The following GRID2 variants were observed in gnomAD, a reference collection of about 807,000 sequenced individuals.
GRID2 encodes glutamate receptor ionotropic, delta-2.
Under a neutral mutation model 114.8 loss-of-function variants are expected in GRID2, and 33 were observed. The ratio of observed to expected loss-of-function variants is 0.29; its 90% CI spans 0.22 to 0.38. The LOEUF is 0.38. GRID2 is among the 10% of genes least tolerant of loss of function. The pLI is 1.00. For synonymous variants in GRID2, 505 were observed against 449.9 expected (o/e 1.12, Z -1.55); for missense variants, 1,184 against 1,257.7 (o/e 0.94, Z 0.89).
At chr4:92,410,901 T>C (rs1731267727) in intron 1 of GRID2, among the ~76,000 whole-genome samples, 1 of 144,664 alleles carries the variant, frequency 6.9e-6, no homozygotes, top group Admixed American at 7.1e-5. Flanking sequence ...TAAGAAGAGA[T>C]TATAAACAGT....
intron 14 of GRID2, among the ~76,000 whole-genome samples, chr4:93,743,027 T>C (rs1286224556): frequency 1.3e-5 from 2 of 152,216 alleles, no homozygotes; most frequent in African/African-American, 2.4e-5. Context: ...GGAAAAGTTC[T>C]TGAAGGAAAT....
chr4:92,854,037 C>G (rs1489165476), intron 2 of GRID2, among the ~76,000 whole-genome samples: 1 of 151,402 alleles, frequency 6.6e-6, no homozygotes, highest in African/African-American at 2.4e-5. Context: ...GTGAACAGAT[C>G]TGTGGTGCAA....
chr4:93,001,275 T>C (rs1720949635), intron 2 of GRID2, among the ~76,000 whole-genome samples: 1 of 151,720 alleles, frequency 6.6e-6, no homozygotes, highest in African/African-American at 2.4e-5. Context: ...AAGCTGTCTT[T>C]TTTGTTTTAT....
chr4:92,569,784 T>C (rs1727520778), intron 1 of GRID2, among the ~76,000 whole-genome samples: 2 of 152,264 alleles, frequency 1.3e-5, no homozygotes, highest in African/African-American at 4.8e-5. Context: ...AAGTGTCTGT[T>C]CATGTCCAAT....
intron 4 of GRID2, among the ~76,000 whole-genome samples, chr4:93,138,347 C>A (rs1413827340): frequency 1.3e-5 from 2 of 152,036 alleles, no homozygotes; most frequent in East Asian, 3.9e-4. Flanking sequence ...ATCTACACAC[C>A]TAAGAATATT....
chr4:93,272,516 G>A (rs530585936), intron 8 of GRID2, among the ~76,000 whole-genome samples: 2 of 152,148 alleles, frequency 1.3e-5, no homozygotes, highest in Non-Finnish European at 2.9e-5. Flanking sequence ...CTAGCGCAAG[G>A]GAGTGCATGG....
chr4:92,433,803 C>G (rs1259457071), intron 1 of GRID2, among the ~76,000 whole-genome samples: 3 of 152,144 alleles, frequency 2.0e-5, no homozygotes, highest in African/African-American at 7.2e-5. Context: ...CTCTACCTAC[C>G]TTTCCTAAAA....
chr4:92,363,656 T>C (rs1283763405), intron 1 of GRID2, among the ~76,000 whole-genome samples: 1 of 152,026 alleles, frequency 6.6e-6, no homozygotes, highest in Non-Finnish European at 1.5e-5. Flanking sequence ...CATTTAGACT[T>C]CTATTTTATA....
intron 2 of GRID2, among the ~76,000 whole-genome samples, chr4:92,712,830 ATCAATAAT>A (rs1560547298): frequency 6.6e-6 from 1 of 152,150 alleles, no homozygotes; most frequent in East Asian, 1.9e-4. Context: ...ATGAATTACC[ATCAATAAT>A]TCCCTTGAAT....
At chr4:93,196,355 A>G (rs950362860) in intron 4 of GRID2, among the ~76,000 whole-genome samples, 6 of 152,198 alleles carry the variant, frequency 3.9e-5, no homozygotes, top group Admixed American at 2.0e-4. Context: ...GAAGACGGAC[A>G]TGGAAATTCA....
chr4:92,442,506 T>C (rs1004228810), intron 1 of GRID2, among the ~76,000 whole-genome samples: 2 of 152,064 alleles, frequency 1.3e-5, no homozygotes, highest in African/African-American at 4.8e-5. Flanking sequence ...GTGCTGGAGA[T>C]GTGGCTGGGG....
chr4:93,019,766 T>G (rs1723102207), intron 2 of GRID2, among the ~76,000 whole-genome samples: 1 of 152,140 alleles, frequency 6.6e-6, no homozygotes, highest in Non-Finnish European at 1.5e-5. Context: ...GCTCTCTTTT[T>G]TGTATAAAAT....
At chr4:92,975,156 C>CAAAAAAAAAAAAAAAAAA (rs527770693) in intron 2 of GRID2, among the ~76,000 whole-genome samples, 2,296 of 46,532 alleles carry the variant, frequency 0.049, 561 homozygotes, top group African/African-American at 0.075. Flanking sequence ...GATTCCGCCT[C>CAAAAAAAAAAAAAAAAAA]AAAAAAAAAA....
At chr4:92,550,861 G>C (rs1333107272) in intron 1 of GRID2, among the ~76,000 whole-genome samples, 1 of 152,158 alleles carries the variant, frequency 6.6e-6, no homozygotes, top group East Asian at 1.9e-4. Flanking sequence ...TATAAAAAGT[G>C]TAAGAACACT....
At chr4:93,168,922 A>G (rs1738525606) in intron 4 of GRID2, among the ~76,000 whole-genome samples, 1 of 152,152 alleles carries the variant, frequency 6.6e-6, no homozygotes, top group African/African-American at 2.4e-5. Flanking sequence ...TAGGATAACA[A>G]TTAAAATAAA....
intron 8 of GRID2, among the ~76,000 whole-genome samples, chr4:93,317,952 A>G (rs1444962531): frequency 1.4e-5 from 2 of 141,112 alleles, no homozygotes; most frequent in Non-Finnish European, 3.1e-5. Flanking sequence ...AATTCTCAGC[A>G]GTAAATCAGT....
chr4:92,503,237 A>G (rs7689477), intron 1 of GRID2, among the ~76,000 whole-genome samples: 1,656 of 152,206 alleles, frequency 0.011, 27 homozygotes, highest in African/African-American at 0.038. Flanking sequence ...TTTAAAAACA[A>G]TATTTCTGCT....
rs62311166 is a variant in GRID2, at chr4:92,867,421, C to T, written c.245-217574C>T. Among the ~76,000 whole-genome samples, 320 of 151,952 alleles carry T rather than the reference C, an allele frequency of 2.1e-3. 2 individuals are homozygous for T. Among genetic ancestry groups the T allele is most frequent in the Non-Finnish European group, 3.5e-3 (238 of 67,958 alleles). On this transcript the variant is annotated intron_variant, in intron 2 of 15. Coordinates refer to ENST00000282020, the MANE Select transcript of GRID2 (RefSeq NM_001510.4). ...TGTGCTCTGCTGCCACATCTAATGG[C>T]GATACCACAATTCTAATCAGAGAAG... is the stretch of plus-strand genomic sequence containing the variant.
In GRID2 at chr4:92,939,753, G is replaced by A. The variant is rs187955647; in HGVS notation, c.245-145242G>A. Among the ~76,000 whole-genome samples the A allele has an allele frequency of 2.3e-3, 341 of 147,462 alleles. 7 individuals carry two copies. The highest frequency in any genetic ancestry group is 7.7e-3 in the African/African-American group (317 of 41,318). Reference sequence around the variant, plus strand: ...GAATTAATTTTGGTATAAGGTGTAAGGAAGGGATCCAGTTTCAGCTTTCTA... The same window carrying A: ...GAATTAATTTTGGTATAAGGTGTAAAGAAGGGATCCAGTTTCAGCTTTCTA... On this transcript the variant is annotated intron_variant, in intron 2 of 15. Coordinates refer to ENST00000282020, the MANE Select transcript of GRID2 (RefSeq NM_001510.4).
Sources: allele counts gnomAD v4.1 joint callset (sites outside exome capture counted in the v4.1 genomes callset), GRCh38; gene constraint gnomAD v4.1.1; transcripts MANE v1.5; gene names NCBI Gene and HGNC (gene_info 2026-07-23, HGNC 2026-07-21).